ACTR5: variants seen among roughly 807,000 people sequenced by gnomAD.
The protein encoded by ACTR5 is actin-related protein 5.
Under a neutral mutation model 61.2 loss-of-function variants are expected in ACTR5, and 43 were observed. The ratio of observed to expected loss-of-function variants is 0.70; its 90% CI spans 0.55 to 0.91. The LOEUF is 0.91. ACTR5 is among the 40% of genes least tolerant of loss of function. The pLI, the probability that ACTR5 is intolerant of heterozygous loss-of-function variation, is 0.00. For synonymous variants in ACTR5, 333 were observed against 310.5 expected (o/e 1.07, Z -0.76); for missense variants, 798 against 782.2 (o/e 1.02, Z -0.24).
chr20:38,766,116 C>T lies in ACTR5; in HGVS notation c.1294-122C>T, dbSNP rs2145676101. On this transcript the variant is annotated intron_variant, in intron 6 of 8. Transcript: ENST00000243903. ...AGCAGGTCAAGAGAGTTGGGAGAAGCTATACTGGCATTAACAAGGGACAGA... is the reference window on the plus strand; with the variant it reads ...AGCAGGTCAAGAGAGTTGGGAGAAGTTATACTGGCATTAACAAGGGACAGA... 4.6e-6 allele frequency: 5 copies of T among 1,077,734 alleles called. No homozygotes were observed. In the African/African-American group the frequency reaches 4.8e-5, roughly 10 times the overall value. The allele number at this position is 1,077,734 out of a possible 1,614,324, so 66.8% of individuals were successfully genotyped here. A position where few individuals can be genotyped will look rare whatever the true frequency, so the allele number is the denominator to read the frequency against.
intron 8 of ACTR5, among the ~76,000 whole-genome samples, chr20:38,770,107 C>CA (rs752897091): frequency 6.3e-4 from 96 of 152,170 alleles, no homozygotes; most frequent in Non-Finnish European, 1.1e-3. Flanking sequence ...CTAGCCTCAG[C>CA]TCCCCCCTCC....
chr20:38,769,032 C>T (rs1051962384), intron 8 of ACTR5, among the ~76,000 whole-genome samples: 2 of 152,220 alleles, frequency 1.3e-5, no homozygotes, highest in African/African-American at 2.4e-5. Flanking sequence ...CCAGGATTTA[C>T]AGGGTCTCTT....
At chr20:38,749,769 G>T (rs1172139662) in intron 1 of ACTR5, among the ~76,000 whole-genome samples, 1 of 152,236 alleles carries the variant, frequency 6.6e-6, no homozygotes, top group Non-Finnish European at 1.5e-5. Context: ...ATACTTTGAA[G>T]ATAGAGCCAA....
chr20:38,755,214 C>G (rs1568635115), intron 4 of ACTR5, 40 bp downstream of exon 4: 1 of 1,507,304 alleles, frequency 6.6e-7, no homozygotes, highest in East Asian at 2.4e-5. Context: ...TCCGTGTTAA[C>G]AAGATAGTCT....
chr20:38,766,500 T>G (rs2084487784), intron 7 of ACTR5, 123 bp downstream of exon 7: 1 of 1,258,860 alleles, frequency 7.9e-7, no homozygotes, highest in East Asian at 2.4e-5. Context: ...TTTCATTGAC[T>G]TGCTGTGCTC....
rs775124681 is a variant in ACTR5, at chr20:38,756,006, C to T, written c.1143C>T (p.Asn381=). Residue 381 remains asparagine (N), a synonymous_variant, in exon 5 of 9, where the codon AAC becomes AAT. Transcript: ENST00000243903. ...AGAAAATCCTCCAAGCGGAAGTCAA[C>T]CTCGAGGTGGATGTGGTAGACAGCA... is the stretch of plus-strand genomic sequence containing the variant. The part of the protein sequence containing the change: ...AKQKILQAEV[N]LEVDVVDSKP... The T allele has an allele frequency of 1.1e-4, 184 of 1,613,488 alleles. 8 individuals are homozygous for T. In the South Asian group the frequency reaches 1.6e-3, roughly 14 times the overall value.
In ACTR5 at chr20:38,750,208, T is replaced by TGTAC; in HGVS notation, c.576_579dup (p.His194TyrfsTer14). 1 of 1,614,188 alleles carries TGTAC rather than the reference T, an allele frequency of 6.2e-7. No homozygotes were observed. The highest frequency in any genetic ancestry group is 8.5e-7 in the Non-Finnish European group (1 of 1,180,012). ...GCTAATCATTTCATCTGGATACCAG[T>TGTAC]GTACGCATGTTTTACCCATCTTAGA... On this transcript the variant is annotated frameshift_variant, in exon 2 of 9. Coordinates refer to ENST00000243903, the MANE Select transcript of ACTR5 (RefSeq NM_024855.4). LOFTEE classifies it high-confidence loss of function.
intron 6 of ACTR5, 132 bp from the exon 7 acceptor site, chr20:38,766,106 T>G: frequency 1.0e-6 from 1 of 963,866 alleles, no homozygotes; most frequent in Admixed American, 2.7e-5. Flanking sequence ...GTCAAGAGAG[T>G]TGGGAGAAGC....
intron 3 of ACTR5, among the ~76,000 whole-genome samples, chr20:38,753,930 A>G (rs993099028): frequency 5.2e-5 from 3 of 57,978 alleles, no homozygotes; most frequent in African/African-American, 2.2e-4. Context: ...CTACCTTTTT[A>G]TTGTAGTTTT....
At chr20:38,749,478 A>T (rs987616277) in intron 1 of ACTR5, among the ~76,000 whole-genome samples, 2 of 152,194 alleles carry the variant, frequency 1.3e-5, no homozygotes, top group African/African-American at 4.8e-5. Context: ...GTAGTACCTG[A>T]AAGAGGATGT....
At chr20:38,752,020 C>T in intron 2 of ACTR5, 111 bp from the exon 3 acceptor site, 1 of 1,232,656 alleles carries the variant, frequency 8.1e-7, no homozygotes, top group Non-Finnish European at 1.1e-6. Flanking sequence ...TGTATTTCTC[C>T]TGCTGGTCTG....
chr20:38,762,962 A>AGT (rs1350648119), intron 5 of ACTR5, among the ~76,000 whole-genome samples: 1 of 152,148 alleles, frequency 6.6e-6, no homozygotes, highest in African/African-American at 2.4e-5. Context: ...GACCAAATTG[A>AGT]GTGTGTGTTT....
In ACTR5 at chr20:38,766,246, T is replaced by A; in HGVS notation, c.1302T>A (p.Phe434Leu). 1 of 1,608,120 alleles carries A rather than the reference T, an allele frequency of 6.2e-7. No homozygotes were observed. Among genetic ancestry groups the A allele is most frequent in the Non-Finnish European group, 8.5e-7 (1 of 1,178,674 alleles). The change falls in exon 7 of 9, where the codon TTT (phenylalanine) becomes TTA (leucine). Residue 434 changes from phenylalanine to leucine, a missense_variant. Coordinates refer to ENST00000243903, the MANE Select transcript of ACTR5 (RefSeq NM_024855.4). Reference protein sequence around the residue: ...EKPVTTVQPVFNLAAYHQLFV... With the variant: ...EKPVTTVQPVLNLAAYHQLFV... Reference sequence around the variant, plus strand: ...ACCTTGGGTTTTTAAAGCCCGTGTTTAACTTGGCAGCATATCATCAGCTAT... The same window carrying A: ...ACCTTGGGTTTTTAAAGCCCGTGTTAAACTTGGCAGCATATCATCAGCTAT...
chr20:38,765,470 G>T lies in ACTR5; in HGVS notation c.1245G>T (p.Leu415Phe), dbSNP rs199604949. 1 of 1,614,014 alleles carries T rather than the reference G, an allele frequency of 6.2e-7. No homozygotes were observed. The highest frequency in any genetic ancestry group is 1.3e-5 in the African/African-American group (1 of 74,912). The change falls in exon 6 of 9, where the codon TTG becomes TTT. Residue 415 changes from leucine to phenylalanine, a missense_variant. By Grantham distance (22) the Leu-to-Phe change is conservative. Transcript: ENST00000243903. ...DVESMNDFDP[L>F]FSEETPGVEK... ...AAAGCATGAATGATTTTGATCCCTT[G>T]TTTTCAGAGGAAACACCTGGAGTGG...
intron 5 of ACTR5, among the ~76,000 whole-genome samples, chr20:38,758,440 A>C (rs1265624034): frequency 6.6e-6 from 1 of 152,192 alleles, no homozygotes; most frequent in East Asian, 1.9e-4. Context: ...TGAGGTCAGG[A>C]ATTCGAGACC....
rs2084520635 is a variant in ACTR5, at chr20:38,771,637, G to A, written c.1645G>A (p.Glu549Lys). Reference protein sequence around the residue: ...DWALNHLDDNEVWITRKEYEE... With the variant: ...DWALNHLDDNKVWITRKEYEE... ...GGCCTTGAACCACCTAGATGATAAT[G>A]AAGTTTGGATCACCAGGAAAGAGTA... Residue 549 changes from glutamate (E) to lysine (K), a missense_variant, in exon 9 of 9, where the codon GAA (glutamate) becomes AAA (lysine). Transcript: ENST00000243903. 1 of 1,614,044 alleles carries A rather than the reference G, an allele frequency of 6.2e-7. No homozygotes were observed. Among genetic ancestry groups the A allele is most frequent in the African/African-American group, 1.3e-5 (1 of 74,910 alleles).
chr20:38,752,186 T>TACCTCCAGCGTC lies in ACTR5; in HGVS notation c.662_673dup (p.Arg224_Leu225insHisLeuGlnArg). On this transcript the variant is annotated inframe_insertion, in exon 3 of 9. Coordinates refer to ENST00000243903, the MANE Select transcript of ACTR5 (RefSeq NM_024855.4). Reference sequence around the variant, plus strand: ...TCTTGGAGGAAGCCAAGCAGCTGGTTACCTCCAGCGTCTCCTCCAGCTGAA... The same window carrying TACCTCCAGCGTC: ...TCTTGGAGGAAGCCAAGCAGCTGGTTACCTCCAGCGTCACCTCCAGCGTCTCCTCCAGCTGAA... 2 of 1,614,062 alleles carry TACCTCCAGCGTC rather than the reference T, an allele frequency of 1.2e-6. No homozygotes were observed. The highest frequency in any genetic ancestry group is 8.5e-7 in the Non-Finnish European group (1 of 1,179,922).
In ACTR5 at chr20:38,750,101, A is replaced by G. The variant is rs765426755; in HGVS notation, c.467A>G (p.Tyr156Cys). The G allele has an allele frequency of 2.6e-5, 42 of 1,614,074 alleles. No homozygotes were observed. Among genetic ancestry groups the G allele is most frequent in the Non-Finnish European group, 3.4e-5 (40 of 1,180,040 alleles). ...ATGTCTGAGCTTCTTTTTGAGTGCT[A>G]CGGGATTCCCAAGGTTGCCTATGGA... ...QMMSELLFECYGIPKVAYGID... is the reference protein window; with the variant it reads ...QMMSELLFECCGIPKVAYGID... Residue 156 changes from tyrosine to cysteine, a missense_variant, in exon 2 of 9, where the codon TAC becomes TGC. Tyr to Cys is a radical substitution (Grantham distance 194). Coordinates refer to ENST00000243903, the MANE Select transcript of ACTR5 (RefSeq NM_024855.4).
At chr20:38,757,802 C>T (rs959785693) in intron 5 of ACTR5, among the ~76,000 whole-genome samples, 11 of 150,278 alleles carry the variant, frequency 7.3e-5, no homozygotes, top group Non-Finnish European at 1.5e-4. Flanking sequence ...TTACTAGATA[C>T]ACCTTATTGG....
Sources: gnomAD v4.1 joint callset for allele counts (sites outside exome capture counted in the v4.1 genomes callset) on GRCh38, gnomAD v4.1.1 for gene constraint, MANE v1.5 for transcripts, NCBI Gene and HGNC (gene_info 2026-07-23, HGNC 2026-07-21) for gene names.